Variants in CREBRF observed in about 807,000 individuals in gnomAD.
The protein encoded by CREBRF is CREB3 regulatory factor.
A neutral mutation model predicts 66.1 loss-of-function variants in CREBRF; 5 were observed. That is an observed-to-expected ratio of 0.08 (90% CI 0.04 to 0.16). The LOEUF is 0.16. CREBRF is among the 10% of genes least tolerant of loss of function. CREBRF has a pLI of 1.00. For synonymous variants in CREBRF, 229 were observed against 264.4 expected (o/e 0.87, Z 1.30); for missense variants, 531 against 744.9 (o/e 0.71, Z 3.34).
rs572847126 is a variant in CREBRF, at chr5:173,136,740, T to G, written c.*2995T>G. 1 of 152,592 alleles carries G rather than the reference T, an allele frequency of 6.6e-6. No individual in the cohort carries two copies. The highest frequency in any genetic ancestry group is 1.9e-4 in the East Asian group (1 of 5,192). The allele number at this position is 152,592 out of a possible 1,614,324, so 9.5% of individuals were successfully genotyped here. ...AAGGGTAATGTAAAAACCCCAACAA[T>G]TGTACATGTTCTGTTTTTGAAAATT... On this transcript the variant is annotated 3_prime_UTR_variant, in exon 9 of 9. Coordinates refer to ENST00000296953, the MANE Select transcript of CREBRF (RefSeq NM_153607.3).
chr5:173,131,959 C>T (rs991853059), intron 8 of CREBRF, among the ~76,000 whole-genome samples: 26 of 151,864 alleles, frequency 1.7e-4, no homozygotes, highest in Admixed American at 1.6e-3. Flanking sequence ...TCTCAAACTC[C>T]TGACCTGTGC....
chr5:173,065,046 C>G (rs13356857), intron 1 of CREBRF, among the ~76,000 whole-genome samples: 1 of 151,994 alleles, frequency 6.6e-6, no homozygotes, highest in Non-Finnish European at 1.5e-5. Context: ...AGGTTTTCAT[C>G]TTTACCTTTG....
At chr5:173,095,880 A>C (rs1758465290) in intron 4 of CREBRF, among the ~76,000 whole-genome samples, 1 of 150,878 alleles carries the variant, frequency 6.6e-6, no homozygotes, top group Non-Finnish European at 1.5e-5. Flanking sequence ...GATAGTTGTT[A>C]GCATATAGAA....
chr5:173,066,956 A>G (rs2113669839), intron 1 of CREBRF, among the ~76,000 whole-genome samples: 1 of 151,772 alleles, frequency 6.6e-6, no homozygotes, highest in East Asian at 1.9e-4. Context: ...CTGGGACTAC[A>G]GGTGCCATCA....
chr5:173,056,459 G>A lies in CREBRF; in HGVS notation c.-212G>A. 1 of 398,468 alleles carries A rather than the reference G, an allele frequency of 2.5e-6. No individual in the cohort carries two copies. The highest frequency in any genetic ancestry group is 4.4e-6 in the Non-Finnish European group (1 of 225,980). The allele number at this position is 398,468 out of a possible 1,614,324, so 24.7% of individuals were successfully genotyped here. ...TGCAGCGGAACCGGACCCAGTCCCT[G>A]AGCCGCCCCTACACCCACAGGTGAG... is the stretch of plus-strand genomic sequence containing the variant. On this transcript the variant is annotated 5_prime_UTR_variant, in exon 1 of 9. An upstream open reading frame in the 5' UTR loses its in-frame stop. Coordinates refer to ENST00000296953, the MANE Select transcript of CREBRF (RefSeq NM_153607.3).
chr5:173,110,079 T>C (rs1228403724), intron 5 of CREBRF: 2 of 226,056 alleles, frequency 8.8e-6, no homozygotes, highest in African/African-American at 4.6e-5. Context: ...AAAATGTGTA[T>C]GTCTGACAGT....
chr5:173,096,935 G>A (rs144606431), intron 4 of CREBRF, among the ~76,000 whole-genome samples: 16 of 152,146 alleles, frequency 1.1e-4, no homozygotes, highest in African/African-American at 3.9e-4. Flanking sequence ...AATCATCCTT[G>A]CATCTCAAAG....
chr5:173,131,428 A>G lies in CREBRF; in HGVS notation c.1805-2202A>G, dbSNP rs370451446. Among the ~76,000 whole-genome samples the G allele has an allele frequency of 2.0e-5, 3 of 152,158 alleles. No individual in the cohort carries two copies. The East Asian group carries it at 5.8e-4, about 29-fold the overall frequency. On this transcript the variant is annotated intron_variant, in intron 8 of 8. Transcript: ENST00000296953. ...TGTGTGATCCAGTCGAGGATCATGC[A>G]TTGCATTTAGTCATATCTCTTCTTT...
chr5:173,086,857 A>G (rs1206539717), intron 3 of CREBRF, among the ~76,000 whole-genome samples: 4 of 152,042 alleles, frequency 2.6e-5, no homozygotes, highest in African/African-American at 4.8e-5. Context: ...GCTCACTGCA[A>G]TCTCCACCTC....
chr5:173,095,514 A>G (rs191959406), intron 4 of CREBRF, among the ~76,000 whole-genome samples: 1 of 152,236 alleles, frequency 6.6e-6, no homozygotes, highest in East Asian at 1.9e-4. Context: ...TTTGTAATAT[A>G]TTTTGAAATC....
At chr5:173,062,731 G>T (rs1266456103) in intron 1 of CREBRF, among the ~76,000 whole-genome samples, 1 of 150,066 alleles carries the variant, frequency 6.7e-6, no homozygotes, top group Non-Finnish European at 1.5e-5. Flanking sequence ...TTTAAGGAGG[G>T]CACTGTAAAA....
chr5:173,059,944 T>TATAG (rs1355384103), intron 1 of CREBRF, among the ~76,000 whole-genome samples: 1 of 152,198 alleles, frequency 6.6e-6, no homozygotes, highest in Non-Finnish European at 1.5e-5. Flanking sequence ...CAAGCTTTTA[T>TATAG]ATAGACAATG....
intron 8 of CREBRF, among the ~76,000 whole-genome samples, chr5:173,128,497 C>G (rs1200300463): frequency 1.3e-5 from 2 of 151,320 alleles, no homozygotes; most frequent in African/African-American, 2.4e-5. Context: ...CTGTGTAGAA[C>G]TGAGAAAAGT....
intron 4 of CREBRF, among the ~76,000 whole-genome samples, chr5:173,095,896 A>C (rs1348608005): frequency 6.6e-6 from 1 of 152,028 alleles, no homozygotes; most frequent in Non-Finnish European, 1.5e-5. Context: ...TAGAAACACA[A>C]GTGATTTTTG....
chr5:173,066,350 C>T (rs1254473493), intron 1 of CREBRF, among the ~76,000 whole-genome samples: 1 of 152,054 alleles, frequency 6.6e-6, no homozygotes, highest in African/African-American at 2.4e-5. Flanking sequence ...TGCCTATGTG[C>T]CCTGTTTTCT....
intron 8 of CREBRF, among the ~76,000 whole-genome samples, chr5:173,127,523 G>A (rs541533694): frequency 1.3e-5 from 2 of 149,238 alleles, no homozygotes; most frequent in Admixed American, 6.8e-5. Context: ...GCAGTTGCAC[G>A]ATCTCGGCTT....
At chr5:173,082,018 T>G (rs1248226647) in intron 2 of CREBRF, among the ~76,000 whole-genome samples, 2 of 131,136 alleles carry the variant, frequency 1.5e-5, no homozygotes, top group African/African-American at 5.8e-5. Flanking sequence ...TTTTTTTTTT[T>G]TTTTTTTTTT....
chr5:173,073,286 G>T (rs1242547971), intron 1 of CREBRF, among the ~76,000 whole-genome samples: 1 of 152,138 alleles, frequency 6.6e-6, no homozygotes, highest in Admixed American at 6.5e-5. Flanking sequence ...ATGTAAAAAG[G>T]GTTGGACAGG....
At chr5:173,120,545 A>G (rs566342987) in intron 7 of CREBRF, among the ~76,000 whole-genome samples, 1 of 151,290 alleles carries the variant, frequency 6.6e-6, no homozygotes, top group East Asian at 1.9e-4. Context: ...ATGCCTGGCT[A>G]ATTATTTTTA....
Sources: allele counts gnomAD v4.1 joint callset (sites outside exome capture counted in the v4.1 genomes callset), GRCh38; gene constraint gnomAD v4.1.1; transcripts MANE v1.5; gene names NCBI Gene and HGNC (gene_info 2026-07-23, HGNC 2026-07-21).